The following HIP1 variants were observed in gnomAD, a reference collection of about 807,000 sequenced individuals.
HIP1 encodes the protein huntingtin interacting protein 1.
In HIP1, 65 loss-of-function variants were observed where a neutral mutation model predicts 147.6. That is an observed-to-expected ratio of 0.44 (90% CI 0.36 to 0.54). HIP1 has a LOEUF of 0.54. HIP1 is among the 20% of genes least tolerant of loss of function. The probability of loss-of-function intolerance (pLI) is 0.00; values close to 1 mark genes in which losing one functional copy is unlikely to be tolerated. For synonymous variants in HIP1, 479 were observed against 504.0 expected (o/e 0.95, Z 0.67); for missense variants, 1,061 against 1,299.6 (o/e 0.82, Z 2.82).
rs376437321 is a variant in HIP1, at chr7:75,603,098, G to C, written c.121-3851C>G. Among the ~76,000 whole-genome samples, 6 of 152,098 alleles carry C rather than the reference G, an allele frequency of 3.9e-5. No individual in the cohort carries two copies. In the East Asian group the frequency reaches 1.2e-3, roughly 29 times the overall value. ...GCAGTGACTCACACCTGTCATCCCA[G>C]CACTTTGAGAGGCAGAGGCGGGAGG... is the stretch of plus-strand genomic sequence containing the variant. On this transcript the variant is annotated intron_variant, in intron 1 of 30. Coordinates refer to ENST00000336926, the MANE Select transcript of HIP1 (RefSeq NM_005338.7).
At chr7:75,708,393 C>G (rs530022126) in intron 1 of HIP1, among the ~76,000 whole-genome samples, 59 of 152,024 alleles carry the variant, frequency 3.9e-4, no homozygotes, top group Non-Finnish European at 8.1e-4. Flanking sequence ...GTTGCCTGTG[C>G]CTTTTGGTGT....
chr7:75,680,712 C>G (rs555105555), intron 1 of HIP1, among the ~76,000 whole-genome samples: 1 of 152,138 alleles, frequency 6.6e-6, no homozygotes, highest in South Asian at 2.1e-4. Context: ...CGGGTTCAAG[C>G]GATTCTCCTG....
At position 75,553,338 on chromosome 7, in the gene HIP1, A is replaced by C. The variant is rs587642153; in HGVS notation, c.2295+115T>G. The C allele has an allele frequency of 9.3e-6, 12 of 1,293,572 alleles. No homozygotes were observed. The East Asian group carries it at 1.9e-4, about 20-fold the overall frequency. 80.1% of individuals were successfully genotyped at this position (1,293,572 alleles called of 1,614,324 possible). The stretch of plus-strand genomic sequence containing the variant: ...CCAATTTTAACAATCTCTTTCTAGA[A>C]TCAAGTTCTAAGTGCAGAAAGAACT... On this transcript the variant is annotated intron_variant, in intron 22 of 30. Transcript: ENST00000336926.
chr7:75,565,124 C>T (rs187056852), intron 9 of HIP1, among the ~76,000 whole-genome samples: 9 of 152,290 alleles, frequency 5.9e-5, no homozygotes, highest in East Asian at 3.9e-4. Context: ...GTCCAATAAA[C>T]GAAACCCCCA....
chr7:75,669,580 A>C (rs1554515043), intron 1 of HIP1, among the ~76,000 whole-genome samples: 1 of 99,178 alleles, frequency 1.0e-5, no homozygotes, highest in Non-Finnish European at 2.1e-5. Flanking sequence ...AAAACAAAAC[A>C]AAACAAGAAA....
chr7:75,609,436 T>C lies in HIP1; in HGVS notation c.121-10189A>G, dbSNP rs587631478. Among the ~76,000 whole-genome samples the C allele has an allele frequency of 3.9e-5, 6 of 152,276 alleles. No homozygotes were observed. The South Asian group carries it at 1.2e-3, about 32-fold the overall frequency. ...CGAGGACCAGTTTCCCATGGCTCAC[T>C]AACACTGTGTACCTGGGATACCACC... On this transcript the variant is annotated intron_variant, in intron 1 of 30. Transcript: ENST00000336926.
At chr7:75,682,566 C>T (rs1470892713) in intron 1 of HIP1, among the ~76,000 whole-genome samples, 2 of 134,102 alleles carry the variant, frequency 1.5e-5, no homozygotes, top group Non-Finnish European at 3.2e-5. Flanking sequence ...GGCCAACATC[C>T]TCATTTTACA....
At chr7:75,672,013 G>A (rs1355978200) in intron 1 of HIP1, among the ~76,000 whole-genome samples, 4 of 152,192 alleles carry the variant, frequency 2.6e-5, no homozygotes, top group Non-Finnish European at 5.9e-5. Context: ...GGGATTACAG[G>A]CGTGAGCCAC....
At chr7:75,550,285 C>T (rs1794734948) in intron 22 of HIP1, among the ~76,000 whole-genome samples, 1 of 152,182 alleles carries the variant, frequency 6.6e-6, no homozygotes, top group Admixed American at 6.6e-5. Flanking sequence ...TTAAGGAATG[C>T]TGTAAGAAAC....
intron 1 of HIP1, among the ~76,000 whole-genome samples, chr7:75,628,904 G>A (rs1798126831): frequency 6.6e-6 from 1 of 151,988 alleles, no homozygotes; most frequent in South Asian, 2.1e-4. Flanking sequence ...ACATATACAG[G>A]GCAAAAAAGA....
intron 1 of HIP1, among the ~76,000 whole-genome samples, chr7:75,670,455 A>C (rs555889803): frequency 6.6e-5 from 10 of 152,280 alleles, no homozygotes; most frequent in East Asian, 3.9e-4. Flanking sequence ...CACTGTGCTC[A>C]TGAGGCTCAT....
chr7:75,629,160 C>T (rs2117119314), intron 1 of HIP1, among the ~76,000 whole-genome samples: 1 of 152,320 alleles, frequency 6.6e-6, no homozygotes, highest in Non-Finnish European at 1.5e-5. Context: ...TTTGCCCAAC[C>T]CACGGTTTGC....
At chr7:75,737,263 T>C (rs551424152) in intron 1 of HIP1, among the ~76,000 whole-genome samples, 1 of 152,092 alleles carries the variant, frequency 6.6e-6, no homozygotes, top group East Asian at 1.9e-4. Flanking sequence ...GGTCGCACTA[T>C]GTTGCCCAGG....
intron 1 of HIP1, among the ~76,000 whole-genome samples, chr7:75,732,332 T>C (rs143553375): frequency 1.5e-4 from 23 of 152,292 alleles, no homozygotes; most frequent in African/African-American, 5.1e-4. Context: ...CTCTGACGTA[T>C]GCGCTATCCA....
intron 17 of HIP1, 119 bp downstream of exon 17, chr7:75,556,591 G>C: frequency 3.0e-6 from 2 of 675,784 alleles, no homozygotes; most frequent in African/African-American, 1.8e-5. Flanking sequence ...GGGCTAAGTG[G>C]GGAGGATCAC....
intron 1 of HIP1, among the ~76,000 whole-genome samples, chr7:75,631,651 A>G (rs1384800310): frequency 6.6e-6 from 1 of 152,180 alleles, no homozygotes; most frequent in Non-Finnish European, 1.5e-5. Context: ...TAAAGGACAC[A>G]TGGGGAATTT....
At chr7:75,583,788 G>A (rs1554499072) in intron 5 of HIP1, among the ~76,000 whole-genome samples, 1 of 150,936 alleles carries the variant, frequency 6.6e-6, no homozygotes, top group Non-Finnish European at 1.5e-5. Context: ...GTGTGTGTGT[G>A]TGTGTGTGTG....
At chr7:75,677,403 C>G (rs1350764495) in intron 1 of HIP1, among the ~76,000 whole-genome samples, 1 of 148,942 alleles carries the variant, frequency 6.7e-6, no homozygotes, top group Admixed American at 6.8e-5. Flanking sequence ...GTCAGGAGTT[C>G]GAAACCACCT....
chr7:75,737,510 A>T (rs1385695374), intron 1 of HIP1, among the ~76,000 whole-genome samples: 4 of 151,778 alleles, frequency 2.6e-5, no homozygotes, highest in South Asian at 2.1e-4. Context: ...ACGCCCAGCT[A>T]ATTTTTTGTA....
Sources: gnomAD v4.1 joint callset for allele counts (sites outside exome capture counted in the v4.1 genomes callset) on GRCh38, gnomAD v4.1.1 for gene constraint, MANE v1.5 for transcripts, NCBI Gene and HGNC (gene_info 2026-07-23, HGNC 2026-07-21) for gene names.